NRG3: variants seen among roughly 807,000 people sequenced by gnomAD.
The protein encoded by NRG3 is pro-neuregulin-3, membrane-bound isoform.
Under a neutral mutation model 66.9 loss-of-function variants are expected in NRG3, and 31 were observed. The observed-to-expected ratio is 0.46, with a 90% CI of 0.35 to 0.63. The LOEUF is 0.63. Ranked by LOEUF, NRG3 falls within the 20% of genes least tolerant of loss-of-function variation. The pLI, the probability that NRG3 is intolerant of heterozygous loss-of-function variation, is 0.00. For synonymous variants in NRG3, 393 were observed against 359.4 expected (o/e 1.09, Z -1.06); for missense variants, 910 against 878.9 (o/e 1.04, Z -0.45).
chr10:82,179,923 T>C (rs2073298829), intron 1 of NRG3, among the ~76,000 whole-genome samples: 1 of 151,892 alleles, frequency 6.6e-6, no homozygotes, highest in South Asian at 2.1e-4. Context: ...TTCAGTAACA[T>C]TTTGTAGTTT....
At chr10:81,937,192 G>A (rs1847957026) in intron 1 of NRG3, among the ~76,000 whole-genome samples, 1 of 152,104 alleles carries the variant, frequency 6.6e-6, no homozygotes, top group Admixed American at 6.6e-5. Context: ...GGACATTTAG[G>A]TTGCTTCCAC....
intron 2 of NRG3, among the ~76,000 whole-genome samples, chr10:82,695,173 TA>T (rs1189339626): frequency 6.6e-6 from 1 of 152,168 alleles, no homozygotes; most frequent in Non-Finnish European, 1.5e-5. Context: ...TGTATCAATT[TA>T]AAATCAGAAT....
At chr10:82,475,685 A>G (rs1353677830) in intron 2 of NRG3, among the ~76,000 whole-genome samples, 1 of 152,184 alleles carries the variant, frequency 6.6e-6, no homozygotes, top group African/African-American at 2.4e-5. Flanking sequence ...CTATAAAACA[A>G]TTAACTGAAA....
chr10:82,889,686 G>GA (rs1204228836), intron 4 of NRG3, among the ~76,000 whole-genome samples: 3 of 152,170 alleles, frequency 2.0e-5, no homozygotes, highest in Non-Finnish European at 4.4e-5. Flanking sequence ...CAAAGAAACA[G>GA]AAAAAATCAA....
chr10:82,046,030 A>G (rs1203598183), intron 1 of NRG3, among the ~76,000 whole-genome samples: 1 of 143,412 alleles, frequency 7.0e-6, no homozygotes, highest in East Asian at 2.0e-4. Flanking sequence ...CTTTTGGCTT[A>G]GGATTGACTT....
At chr10:82,755,178 A>G (rs2059028285) in intron 3 of NRG3, among the ~76,000 whole-genome samples, 1 of 152,132 alleles carries the variant, frequency 6.6e-6, no homozygotes, top group Admixed American at 6.6e-5. Flanking sequence ...TAGTATTATC[A>G]GTAAACAAGG....
At chr10:82,948,075 TGAGTGTATATATGTATAGA>T (rs1849183133) in intron 4 of NRG3, among the ~76,000 whole-genome samples, 1 of 152,090 alleles carries the variant, frequency 6.6e-6, no homozygotes, top group Non-Finnish European at 1.5e-5. Context: ...TCATCCTTTT[TGAGTGTATATATGTATAGA>T]GTATGAGATT....
intron 2 of NRG3, among the ~76,000 whole-genome samples, chr10:82,364,521 A>G (rs2084396411): frequency 1.3e-5 from 2 of 152,268 alleles, no homozygotes; most frequent in East Asian, 1.9e-4. Flanking sequence ...AATGTTGGCA[A>G]TGGTGCTATG....
chr10:82,361,183 G>A (rs544440319), intron 2 of NRG3, among the ~76,000 whole-genome samples: 2 of 152,272 alleles, frequency 1.3e-5, no homozygotes, highest in African/African-American at 4.8e-5. Context: ...ACACACATAA[G>A]CAGATATATA....
intron 4 of NRG3, among the ~76,000 whole-genome samples, chr10:82,881,334 A>G (rs934893005): frequency 6.6e-6 from 1 of 152,240 alleles, no homozygotes; most frequent in African/African-American, 2.4e-5. Context: ...GTAGCATTTA[A>G]CTTACCAAAA....
chr10:82,691,528 G>A (rs141778012), intron 2 of NRG3, among the ~76,000 whole-genome samples: 1,630 of 152,288 alleles, frequency 0.011, 25 homozygotes, highest in African/African-American at 0.038. Context: ...CTAGAATTAT[G>A]AGGCCAAGTC....
chr10:82,316,315 C>T (rs575211345), intron 1 of NRG3, among the ~76,000 whole-genome samples: 1 of 152,138 alleles, frequency 6.6e-6, no homozygotes, highest in African/African-American at 2.4e-5. Context: ...GTGTTGGGAA[C>T]GACTGCATTA....
intron 3 of NRG3, among the ~76,000 whole-genome samples, chr10:82,854,039 G>A (rs2063690648): frequency 1.3e-5 from 2 of 152,138 alleles, no homozygotes; most frequent in African/African-American, 2.4e-5. Context: ...GAAAATTGGT[G>A]GGATTATGTG....
intron 1 of NRG3, among the ~76,000 whole-genome samples, chr10:82,093,521 G>T (rs1187857049): frequency 1.3e-5 from 2 of 152,128 alleles, no homozygotes; most frequent in African/African-American, 4.8e-5. Flanking sequence ...AAAGACTTCT[G>T]ACATTGAGGA....
At chr10:82,969,801 A>G (rs1307617105) in intron 6 of NRG3, among the ~76,000 whole-genome samples, 1 of 152,212 alleles carries the variant, frequency 6.6e-6, no homozygotes, top group Non-Finnish European at 1.5e-5. Context: ...TCTGCCTCCT[A>G]AGTAATTGCG....
intron 2 of NRG3, among the ~76,000 whole-genome samples, chr10:82,657,903 AG>A (rs1280421685): frequency 3.0e-5 from 2 of 66,578 alleles, no homozygotes; most frequent in African/African-American, 1.3e-4. Flanking sequence ...ACACATACAC[AG>A]AAAAAAAAAA....
chr10:82,553,722 TG>T (rs1298479007), intron 2 of NRG3, among the ~76,000 whole-genome samples: 3 of 151,958 alleles, frequency 2.0e-5, no homozygotes, highest in Non-Finnish European at 2.9e-5. Flanking sequence ...ATGAGTAGGG[TG>T]GGGGAATACT....
chr10:81,985,181 C>T (rs186779946), intron 1 of NRG3, among the ~76,000 whole-genome samples: 4 of 152,170 alleles, frequency 2.6e-5, no homozygotes, highest in Admixed American at 6.5e-5. Context: ...TGTTAATAAC[C>T]ACTTTTAAAG....
At chr10:82,901,023 TTTAA>T (rs1844167897) in intron 4 of NRG3, among the ~76,000 whole-genome samples, 1 of 152,112 alleles carries the variant, frequency 6.6e-6, no homozygotes, top group South Asian at 2.1e-4. Context: ...TTTACCGAAA[TTTAA>T]TAGGAGTTAG....
Sources: gnomAD v4.1 joint callset for allele counts (sites outside exome capture counted in the v4.1 genomes callset) on GRCh38, gnomAD v4.1.1 for gene constraint, MANE v1.5 for transcripts, NCBI Gene and HGNC (gene_info 2026-07-23, HGNC 2026-07-21) for gene names.